Variants in HCRTR2 observed in about 807,000 individuals in gnomAD.
HCRTR2 encodes the protein orexin receptor type 2.
HCRTR2 carries 22 observed loss-of-function variants against 49.0 expected under a neutral mutation model. That is an observed-to-expected ratio of 0.45 (90% CI 0.32 to 0.64). The LOEUF (loss-of-function observed/expected upper bound fraction) is 0.64. HCRTR2 is among the 30% of genes least tolerant of loss of function. The pLI, the probability that HCRTR2 is intolerant of heterozygous loss-of-function variation, is 0.04. For missense variants in HCRTR2, 491 were observed against 559.4 expected (o/e 0.88, Z 1.23); for synonymous variants, 236 against 205.3 (o/e 1.15, Z -1.28).
chr6:55,129,922 G>T (rs746770896), intron 1 of HCRTR2, among the ~76,000 whole-genome samples: 1 of 151,674 alleles, frequency 6.6e-6, no homozygotes, highest in Non-Finnish European at 1.5e-5. Flanking sequence ...TTCTATTTCC[G>T]CTGCTTTTCC....
At chr6:55,165,029 T>A (rs562806589) in intron 1 of HCRTR2, among the ~76,000 whole-genome samples, 32 of 152,240 alleles carry the variant, frequency 2.1e-4, no homozygotes, top group South Asian at 4.1e-4. Context: ...TCAATTGATA[T>A]ACAAAAGAAT....
At chr6:55,192,413 G>GCGCACACA (rs139180472) in intron 1 of HCRTR2, among the ~76,000 whole-genome samples, 9,931 of 128,412 alleles carry the variant, frequency 0.077, 665 homozygotes, top group African/African-American at 0.2. Flanking sequence ...GCGCGCGCGC[G>GCGCACACA]CACACACACA....
intron 1 of HCRTR2, among the ~76,000 whole-genome samples, chr6:55,185,812 A>T (rs1765208398): frequency 6.6e-6 from 1 of 152,244 alleles, no homozygotes; most frequent in Non-Finnish European, 1.5e-5. Flanking sequence ...TGATCACTGT[A>T]GCATGATTTC....
At chr6:55,241,472 T>C (rs972344737) in intron 1 of HCRTR2, among the ~76,000 whole-genome samples, 5 of 152,140 alleles carry the variant, frequency 3.3e-5, no homozygotes, top group African/African-American at 1.2e-4. Flanking sequence ...ATATATTTTT[T>C]ATGTACATAA....
intron 1 of HCRTR2, among the ~76,000 whole-genome samples, chr6:55,206,292 T>C (rs1013175664): frequency 6.6e-6 from 1 of 152,100 alleles, no homozygotes; most frequent in African/African-American, 2.4e-5. Flanking sequence ...CATTTTCATA[T>C]TGAAGAATCA....
intron 1 of HCRTR2, among the ~76,000 whole-genome samples, chr6:55,240,041 T>C (rs571893607): frequency 1.3e-5 from 2 of 151,900 alleles, no homozygotes; most frequent in Non-Finnish European, 2.9e-5. Context: ...TCTCCCAAAG[T>C]GCCGGGATTA....
At chr6:55,108,622 A>G (rs1312846030) in intron 1 of HCRTR2, among the ~76,000 whole-genome samples, 1 of 151,914 alleles carries the variant, frequency 6.6e-6, no homozygotes, top group Non-Finnish European at 1.5e-5. Context: ...ATAAAAGTAG[A>G]AGCAGCAGCA....
chr6:55,248,965 G>A, intron 2 of HCRTR2, 148 bp downstream of exon 2: 1 of 712,652 alleles, frequency 1.4e-6, no homozygotes, highest in Non-Finnish European at 2.4e-6. Context: ...AGAATTTCTG[G>A]AGAAATAAGT....
chr6:55,195,285 A>G (rs1765389393), intron 1 of HCRTR2, among the ~76,000 whole-genome samples: 1 of 152,218 alleles, frequency 6.6e-6, no homozygotes, highest in African/African-American at 2.4e-5. Flanking sequence ...AAACATATCA[A>G]AACAACTTGA....
intron 1 of HCRTR2, among the ~76,000 whole-genome samples, chr6:55,244,111 A>G (rs1766386357): frequency 6.6e-6 from 1 of 151,988 alleles, no homozygotes; most frequent in Admixed American, 6.6e-5. Context: ...TGCTCTGTGT[A>G]TTTTACGGGA....
chr6:55,182,384 A>G (rs745331568), intron 1 of HCRTR2, among the ~76,000 whole-genome samples: 2 of 152,242 alleles, frequency 1.3e-5, no homozygotes, highest in Non-Finnish European at 2.9e-5. Flanking sequence ...TTCTGGCTCA[A>G]GTACCCACTT....
chr6:55,268,675 AC>A (rs1233888098), intron 4 of HCRTR2, among the ~76,000 whole-genome samples: 1 of 152,170 alleles, frequency 6.6e-6, no homozygotes, highest in African/African-American at 2.4e-5. Context: ...AAAGTTGTAA[AC>A]ATACATGCAT....
At chr6:55,227,196 T>C (rs1562013854) in intron 1 of HCRTR2, among the ~76,000 whole-genome samples, 2 of 152,150 alleles carry the variant, frequency 1.3e-5, no homozygotes, top group Non-Finnish European at 2.9e-5. Context: ...GCCAAAATTA[T>C]GCATTATGTT....
At chr6:55,271,927 C>T (rs77228313) in intron 4 of HCRTR2, among the ~76,000 whole-genome samples, 4,141 of 152,124 alleles carry the variant, frequency 0.027, 208 homozygotes, top group African/African-American at 0.092. Flanking sequence ...GAATGCAAAA[C>T]GATGTAACTG....
At chr6:55,157,596 G>A (rs555615718) in intron 1 of HCRTR2, among the ~76,000 whole-genome samples, 65 of 152,310 alleles carry the variant, frequency 4.3e-4, no homozygotes, top group East Asian at 1.5e-3. Context: ...TGCTATGTTG[G>A]CTTCTAGTTT....
At chr6:55,109,930 A>AAAG (rs1764026695) in intron 1 of HCRTR2, among the ~76,000 whole-genome samples, 1 of 152,208 alleles carries the variant, frequency 6.6e-6, no homozygotes, top group South Asian at 2.1e-4. Flanking sequence ...CAGGTTATCT[A>AAAG]AAGTCAAGAA....
At chr6:55,136,202 T>G (rs1380471842) in intron 1 of HCRTR2, among the ~76,000 whole-genome samples, 2 of 152,176 alleles carry the variant, frequency 1.3e-5, no homozygotes, top group Non-Finnish European at 2.9e-5. Context: ...GTCTTTATTC[T>G]CTGAAGCTCA....
At chr6:55,123,458 G>T (rs1764230233) in intron 1 of HCRTR2, among the ~76,000 whole-genome samples, 1 of 152,066 alleles carries the variant, frequency 6.6e-6, no homozygotes, top group Non-Finnish European at 1.5e-5. Flanking sequence ...AACCAGCCTT[G>T]CATTCCAGGT....
At chr6:55,205,265 T>G (rs1436943486) in intron 1 of HCRTR2, among the ~76,000 whole-genome samples, 1 of 152,134 alleles carries the variant, frequency 6.6e-6, no homozygotes, top group East Asian at 1.9e-4. Context: ...TAGGTAAATA[T>G]AGATAAATTA....
Sources: gnomAD v4.1 joint callset for allele counts (sites outside exome capture counted in the v4.1 genomes callset) on GRCh38, gnomAD v4.1.1 for gene constraint, MANE v1.5 for transcripts, NCBI Gene and HGNC (gene_info 2026-07-23, HGNC 2026-07-21) for gene names.